Variants in UBE2E2 observed in about 807,000 individuals in gnomAD.
UBE2E2 encodes the protein ubiquitin-conjugating enzyme E2 E2.
Under a neutral mutation model 24.7 loss-of-function variants are expected in UBE2E2, and 6 were observed. That is an observed-to-expected ratio of 0.24 (90% CI 0.13 to 0.48). The LOEUF (loss-of-function observed/expected upper bound fraction) is 0.48. Among genes scored for constraint, UBE2E2 ranks in the 20% least tolerant of loss-of-function variants. The pLI is 0.99. For synonymous variants in UBE2E2, 104 were observed against 83.6 expected, an observed-to-expected ratio of 1.24 and a Z score of -1.33; for missense variants, 169 against 245.0, an observed-to-expected ratio of 0.69 and a Z score of 2.07.
intron 3 of UBE2E2, among the ~76,000 whole-genome samples, chr3:23,344,625 G>C (rs1034694059): frequency 2.6e-5 from 4 of 151,956 alleles, no homozygotes; most frequent in African/African-American, 7.3e-5. Flanking sequence ...GGGTGATGTG[G>C]TTTGGATTGC....
At chr3:23,505,598 G>A (rs1553616489) in intron 4 of UBE2E2, among the ~76,000 whole-genome samples, 1 of 152,148 alleles carries the variant, frequency 6.6e-6, no homozygotes, top group Non-Finnish European at 1.5e-5. Flanking sequence ...CATCAGTAAA[G>A]TGTCTGTAAG....
At chr3:23,478,444 A>G (rs897257789) in intron 3 of UBE2E2, among the ~76,000 whole-genome samples, 17 of 152,252 alleles carry the variant, frequency 1.1e-4, no homozygotes, top group African/African-American at 3.4e-4. Flanking sequence ...GAGGATAGTG[A>G]TATTCAAAAG....
intron 1 of UBE2E2, among the ~76,000 whole-genome samples, chr3:23,204,419 A>G (rs570330116): frequency 6.6e-6 from 1 of 152,336 alleles, no homozygotes; most frequent in South Asian, 2.1e-4. Flanking sequence ...TTTTTATTTA[A>G]AAGTACGAAA....
At chr3:23,504,511 C>A (rs1248897097) in intron 4 of UBE2E2, among the ~76,000 whole-genome samples, 2 of 152,108 alleles carry the variant, frequency 1.3e-5, no homozygotes, top group Non-Finnish European at 1.5e-5. Context: ...TAACGATTGA[C>A]AAATCGTGCT....
intron 3 of UBE2E2, among the ~76,000 whole-genome samples, chr3:23,435,380 T>A (rs967604838): frequency 6.6e-6 from 1 of 152,264 alleles, no homozygotes; most frequent in African/African-American, 2.4e-5. Context: ...AAAGTTAAGT[T>A]ACTTGGTGTG....
chr3:23,363,759 T>C (rs907494557), intron 3 of UBE2E2, among the ~76,000 whole-genome samples: 3 of 152,034 alleles, frequency 2.0e-5, no homozygotes, highest in Non-Finnish European at 4.4e-5. Flanking sequence ...CTAACAAAGA[T>C]ATTCAGAACC....
chr3:23,410,666 T>A (rs771330026), intron 3 of UBE2E2, among the ~76,000 whole-genome samples: 1 of 152,096 alleles, frequency 6.6e-6, no homozygotes, highest in Admixed American at 6.6e-5. Flanking sequence ...GAAAAACAAG[T>A]GTATGTAGAA....
chr3:23,548,991 A>T (rs1322660216), intron 5 of UBE2E2, among the ~76,000 whole-genome samples: 1 of 152,178 alleles, frequency 6.6e-6, no homozygotes, highest in Non-Finnish European at 1.5e-5. Flanking sequence ...GTGGCTGAAC[A>T]CTGTGAGTAA....
At chr3:23,508,641 T>C (rs7628132) in intron 4 of UBE2E2, among the ~76,000 whole-genome samples, 150,577 of 152,282 alleles carry the variant, frequency 0.99, 74,462 homozygotes, top group Middle Eastern at 1. Context: ...TGACACACCC[T>C]TATAAGAGCC....
At chr3:23,446,036 G>T (rs547534979) in intron 3 of UBE2E2, among the ~76,000 whole-genome samples, 2 of 152,112 alleles carry the variant, frequency 1.3e-5, no homozygotes, top group Non-Finnish European at 2.9e-5. Context: ...AAAAAAATAG[G>T]TCTTGTACCA....
intron 5 of UBE2E2, among the ~76,000 whole-genome samples, chr3:23,582,894 T>TGTGTGTGTGTGG (rs1553622746): frequency 8.0e-5 from 9 of 112,884 alleles, no homozygotes; most frequent in Non-Finnish European, 1.3e-4. Flanking sequence ...TGTGTGTGTG[T>TGTGTGTGTGTGG]TGTGTGTTTG....
intron 3 of UBE2E2, among the ~76,000 whole-genome samples, chr3:23,305,382 A>T (rs1273203849): frequency 6.6e-6 from 1 of 152,194 alleles, no homozygotes; most frequent in Non-Finnish European, 1.5e-5. Flanking sequence ...ACAATTAATA[A>T]TTTTTGCTGC....
intron 3 of UBE2E2, among the ~76,000 whole-genome samples, chr3:23,363,199 T>C (rs1266151240): frequency 6.6e-6 from 1 of 152,152 alleles, no homozygotes; most frequent in African/African-American, 2.4e-5. Flanking sequence ...CAAAAACACA[T>C]TTAAGAACGT....
Position 23,474,524 on chromosome 3 carries a change from G to A in UBE2E2, c.228-25084G>A, listed in dbSNP as rs1189981281. Among the ~76,000 whole-genome samples, 2 of 152,018 alleles carry A rather than the reference G, an allele frequency of 1.3e-5. No homozygotes were observed. Among genetic ancestry groups the A allele is most frequent in the Non-Finnish European group, 2.9e-5 (2 of 68,034 alleles). Reference sequence around the variant, plus strand: ...CATAGAATTATAATGTATAATTTTGGAATTTATTGTTGAAGGGGGCTTTGG... The same window carrying A: ...CATAGAATTATAATGTATAATTTTGAAATTTATTGTTGAAGGGGGCTTTGG... On this transcript the variant is annotated intron_variant, in intron 3 of 5. Transcript: ENST00000396703. The surrounding 1 kb of genome is among the most constrained non-coding windows in gnomAD (Gnocchi z 4.0).
chr3:23,435,411 G>C (rs1324283574), intron 3 of UBE2E2, among the ~76,000 whole-genome samples: 1 of 152,238 alleles, frequency 6.6e-6, no homozygotes, highest in Admixed American at 6.5e-5. Context: ...CACACAGCCA[G>C]TAAGTGGTGG....
At chr3:23,408,255 G>A (rs1324199056) in intron 3 of UBE2E2, among the ~76,000 whole-genome samples, 1 of 152,060 alleles carries the variant, frequency 6.6e-6, no homozygotes, top group Middle Eastern at 3.2e-3. Context: ...CTCTTACAGT[G>A]TCTGTAAAGA....
At chr3:23,465,282 G>C (rs1698898044) in intron 3 of UBE2E2, among the ~76,000 whole-genome samples, 1 of 152,130 alleles carries the variant, frequency 6.6e-6, no homozygotes, top group Admixed American at 6.5e-5. Context: ...ACTGAACTCA[G>C]AGCTGTGTTA....
At chr3:23,382,607 A>C (rs1483812257) in intron 3 of UBE2E2, among the ~76,000 whole-genome samples, 1 of 152,238 alleles carries the variant, frequency 6.6e-6, no homozygotes, top group Non-Finnish European at 1.5e-5. Flanking sequence ...AGTATTCACT[A>C]TACATAATTT....
rs541497155 is a variant in UBE2E2, at chr3:23,590,322, T to C, written c.*491T>C. The C allele has an allele frequency of 6.4e-6, 1 of 155,784 alleles. No individual in the cohort carries two copies. Among genetic ancestry groups the C allele is most frequent in the South Asian group, 2.0e-4 (1 of 5,072 alleles). The allele number at this position is 155,784 out of a possible 1,614,324, so 9.7% of individuals were successfully genotyped here. On this transcript the variant is annotated 3_prime_UTR_variant, in exon 6 of 6. Coordinates refer to ENST00000396703, the MANE Select transcript of UBE2E2 (RefSeq NM_152653.4). ...TTAATTTTTTGTACTGAAGTCTTTA[T>C]TGGTGGGTGCATGCTACTGGGAACA...
Sources: gnomAD v4.1 joint callset for allele counts (sites outside exome capture counted in the v4.1 genomes callset) on GRCh38, gnomAD v4.1.1 for gene constraint, Gnocchi (gnomAD v3.1) non-coding constraint, MANE v1.5 for transcripts, NCBI Gene and HGNC (gene_info 2026-07-23, HGNC 2026-07-21) for gene names.